The following TEF variants were observed in gnomAD, a reference collection of about 807,000 sequenced individuals.
TEF encodes TEF transcription factor, PAR bZIP family member, also known as thyrotroph embryonic factor.
A neutral mutation model predicts 20.8 loss-of-function variants in TEF; 3 were observed. The ratio of observed to expected loss-of-function variants is 0.14; its 90% CI spans 0.07 to 0.37. TEF has a LOEUF of 0.37. TEF is among the 10% of genes least tolerant of loss of function. TEF has a pLI of 1.00. For synonymous variants in TEF, 180 were observed against 171.1 expected, an observed-to-expected ratio of 1.05 and a Z score of -0.41; for missense variants, 296 against 397.9, an observed-to-expected ratio of 0.74 and a Z score of 2.18.
intron 2 of TEF, among the ~76,000 whole-genome samples, chr22:41,393,883 C>T (rs959198107): frequency 6.6e-6 from 1 of 151,898 alleles, no homozygotes; most frequent in Non-Finnish European, 1.5e-5. Flanking sequence ...TTTGAGCATT[C>T]TGTTCCTGAA....
upstream of TEF, among the ~76,000 whole-genome samples, chr22:41,377,848 C>T (rs1391684571): frequency 2.0e-5 from 3 of 152,168 alleles, no homozygotes; most frequent in East Asian, 1.9e-4. Context: ...TCTCACTTCT[C>T]ACCAGCGTCA....
upstream of TEF, among the ~76,000 whole-genome samples, chr22:41,377,642 G>A (rs1323343242): frequency 6.6e-6 from 1 of 152,234 alleles, no homozygotes; most frequent in Non-Finnish European, 1.5e-5. Flanking sequence ...CCCACCTCCA[G>A]GATGGCACTG....
At position 41,395,850 on chromosome 22, in the gene TEF, C is replaced by T. The variant is rs776204250; in HGVS notation, c.802C>T (p.Leu268=). 2 of 1,614,238 alleles carry T rather than the reference C, an allele frequency of 1.2e-6. No individual in the cohort carries two copies. Among genetic ancestry groups the T allele is most frequent in the South Asian group, 1.1e-5 (1 of 91,090 alleles). ...ENQITIRAAF[L]EKENTALRTE... ...TCAGATCACCATCCGGGCAGCCTTC[C>T]TGGAGAAGGAGAACACAGCCCTGCG... The change falls in exon 4 of 4, where the codon CTG becomes TTG. Residue 268 remains leucine (L), a synonymous_variant. Transcript: ENST00000266304.
At chr22:41,383,205 T>G (rs897438067) in intron 1 of TEF, among the ~76,000 whole-genome samples, 2 of 152,160 alleles carry the variant, frequency 1.3e-5, no homozygotes, top group Non-Finnish European at 2.9e-5. Context: ...TTTCTCTTCC[T>G]TTCCTGGGTG....
chr22:41,381,687 G>A (rs1268754353), upstream of TEF, among the ~76,000 whole-genome samples: 1 of 152,140 alleles, frequency 6.6e-6, no homozygotes, highest in Non-Finnish European at 1.5e-5. Flanking sequence ...TCCAGCAGGC[G>A]CCAATCAGGG....
At chr22:41,391,625 CTTT>C (rs74679714) in intron 2 of TEF, among the ~76,000 whole-genome samples, 1 of 129,384 alleles carries the variant, frequency 7.7e-6, no homozygotes. Context: ...CGGCATCTGA[CTTT>C]TTTTTTTTTT....
Position 41,387,630 on chromosome 22 carries a change from C to T in TEF, c.437C>T (p.Thr146Ile). ...ACAGCATCCCCACCATCCTCCTCCA[C>T]TGCCATCTTTCAGCCCTCTGAAACC... ...SSTASPPSSS[T>I]AIFQPSETVS... The change falls in exon 2 of 4, where the codon ACT becomes ATT. Residue 146 changes from threonine to isoleucine, a missense_variant. This residue lies in a region of TEF where 194 missense variants were observed against 317.8 expected (regional missense o/e 0.61). Transcript: ENST00000266304. 1 of 1,614,146 alleles carries T rather than the reference C, an allele frequency of 6.2e-7. No individual in the cohort carries two copies. Among genetic ancestry groups the T allele is most frequent in the Non-Finnish European group, 8.5e-7 (1 of 1,180,000 alleles).
At chr22:41,368,983 G>A (rs2036850442) in intron 1 of TEF, 1 of 878,924 alleles carries the variant, frequency 1.1e-6, no homozygotes, top group Non-Finnish European at 1.4e-6. Flanking sequence ...GGGCAGAGCT[G>A]AACACATTTC....
chr22:41,368,971 G>C (rs1024790328), intron 1 of TEF: 17 of 785,278 alleles, frequency 2.2e-5, no homozygotes, highest in Non-Finnish European at 2.6e-5. Context: ...GCCTGTGTGG[G>C]TGGGCAGAGC....
chr22:41,393,126 A>C (rs1222824906), intron 2 of TEF, among the ~76,000 whole-genome samples: 1 of 151,542 alleles, frequency 6.6e-6, no homozygotes, highest in East Asian at 2.0e-4. Flanking sequence ...AGATCACTTG[A>C]GCCTAGGAGT....
At chr22:41,373,939 T>C (rs904370624) in intron 1 of TEF, among the ~76,000 whole-genome samples, 4 of 151,824 alleles carry the variant, frequency 2.6e-5, no homozygotes, top group Non-Finnish European at 5.9e-5. Context: ...AATTTTTGTA[T>C]TTTTAGTACA....
chr22:41,372,867 T>C (rs1329865832), intron 1 of TEF, among the ~76,000 whole-genome samples: 1 of 152,010 alleles, frequency 6.6e-6, no homozygotes, highest in African/African-American at 2.4e-5. Flanking sequence ...CCCGAGGAAC[T>C]TTCAGGCTGT....
At position 41,395,930 on chromosome 22, in the gene TEF, C is replaced by T. The variant is rs1460951126; in HGVS notation, c.882C>T (p.Ser294=). 1 of 1,613,888 alleles carries T rather than the reference C, an allele frequency of 6.2e-7. No homozygotes were observed. The highest frequency in any genetic ancestry group is 1.7e-4 in the Middle Eastern group (1 of 6,058). ...TGGGCAAGTGCAAGACCATCGTGTCCAAGTATGAGACCAAATACGGGCCCT... is the reference window on the plus strand; with the variant it reads ...TGGGCAAGTGCAAGACCATCGTGTCTAAGTATGAGACCAAATACGGGCCCT... ...KEVGKCKTIV[S]KYETKYGPL Residue 294 remains serine, a synonymous_variant, in exon 4 of 4, where the codon TCC becomes TCT. Coordinates refer to ENST00000266304, the MANE Select transcript of TEF (RefSeq NM_003216.4).
At chr22:41,374,826 A>T (rs1451646511) in intron 1 of TEF, among the ~76,000 whole-genome samples, 2 of 151,970 alleles carry the variant, frequency 1.3e-5, no homozygotes, top group Admixed American at 6.6e-5. Flanking sequence ...GAAGAGGAGG[A>T]GGTGGAGGAA....
chr22:41,374,535 G>A (rs1006935230), intron 1 of TEF, among the ~76,000 whole-genome samples: 3 of 150,670 alleles, frequency 2.0e-5, no homozygotes, highest in African/African-American at 7.3e-5. Context: ...CTGGACAACT[G>A]AGCAAGACTC....
At chr22:41,384,431 A>G (rs1311515289) in intron 1 of TEF, among the ~76,000 whole-genome samples, 2 of 152,150 alleles carry the variant, frequency 1.3e-5, no homozygotes, top group African/African-American at 4.8e-5. Context: ...GAATAGGAGC[A>G]GTCTTTCTTC....
At chr22:41,392,129 C>T (rs2037174169) in intron 2 of TEF, among the ~76,000 whole-genome samples, 1 of 152,152 alleles carries the variant, frequency 6.6e-6, no homozygotes, top group Non-Finnish European at 1.5e-5. Flanking sequence ...ATTGAATGAG[C>T]TGGCCAAAGG....
intron 3 of TEF, 105 bp from the exon 4 acceptor site, chr22:41,395,640 T>C: frequency 1.7e-6 from 2 of 1,162,668 alleles, no homozygotes; most frequent in Non-Finnish European, 2.5e-6. Flanking sequence ...CTGCTTTAGC[T>C]CTGGCCACAC....
upstream of TEF, among the ~76,000 whole-genome samples, chr22:41,381,525 C>T (rs2037022366): frequency 6.6e-6 from 1 of 152,194 alleles, no homozygotes; most frequent in South Asian, 2.1e-4. Flanking sequence ...GAGCTCCGCC[C>T]CTCTTCGGTG....
Sources: gnomAD v4.1 joint callset for allele counts (sites outside exome capture counted in the v4.1 genomes callset) on GRCh38, gnomAD v4.1.1 for gene constraint, gnomAD v4.1.1 regional missense constraint, MANE v1.5 for transcripts, NCBI Gene and HGNC (gene_info 2026-07-23, HGNC 2026-07-21) for gene names.